DPYD: variants seen among roughly 807,000 people sequenced by gnomAD.
DPYD encodes the protein dihydropyrimidine dehydrogenase [NADP(+)].
A neutral mutation model predicts 116.2 loss-of-function variants in DPYD; 109 were observed. The ratio of observed to expected loss-of-function variants is 0.94; its 90% CI spans 0.80 to 1.10. The LOEUF (loss-of-function observed/expected upper bound fraction) is 1.10. DPYD is among the 50% of genes least tolerant of loss of function. DPYD has a pLI of 0.00. For missense variants in DPYD, 1,302 were observed against 1,254.5 expected, an observed-to-expected ratio of 1.04 and a Z score of -0.57; for synonymous variants, 440 against 432.0, an observed-to-expected ratio of 1.02 and a Z score of -0.23.
chr1:97,364,287 C>A (rs1222867102), intron 16 of DPYD, among the ~76,000 whole-genome samples: 2 of 152,114 alleles, frequency 1.3e-5, no homozygotes, highest in Non-Finnish European at 2.9e-5. Context: ...GAGAAGAAAG[C>A]TGCATGTTCT....
chr1:97,710,049 T>A (rs1400190769), intron 5 of DPYD, among the ~76,000 whole-genome samples: 5 of 151,868 alleles, frequency 3.3e-5, no homozygotes, highest in African/African-American at 1.2e-4. Context: ...TTGCAAGTGT[T>A]TACCTTGATT....
chr1:97,841,722 G>C (rs1053525033), intron 2 of DPYD, among the ~76,000 whole-genome samples: 3 of 152,022 alleles, frequency 2.0e-5, no homozygotes, highest in Non-Finnish European at 2.9e-5. Context: ...AAAAAAAAAT[G>C]TTTGTTCCCA....
At chr1:97,655,538 T>C (rs772203649) in intron 8 of DPYD, among the ~76,000 whole-genome samples, 1 of 152,196 alleles carries the variant, frequency 6.6e-6, no homozygotes, top group Non-Finnish European at 1.5e-5. Context: ...GTTAAATTTG[T>C]TTTGTTTTGC....
At position 97,392,859 on chromosome 1, in the gene DPYD, C is replaced by T. The variant is rs77708193; in HGVS notation, c.1906-10398G>A. 5.8e-3 allele frequency among the ~76,000 whole-genome samples: 882 copies of T among 152,144 alleles called. 8 individuals are homozygous for T. The highest frequency in any genetic ancestry group is 0.02 in the African/African-American group (847 of 41,536). ...CTGTAGTGACTTCCTCCACTGAAGTCTTGAATCCCTCACAAGGCTTGCAAT... is the reference window on the plus strand; with the variant it reads ...CTGTAGTGACTTCCTCCACTGAAGTTTTGAATCCCTCACAAGGCTTGCAAT... On this transcript the variant is annotated intron_variant, in intron 14 of 22. Transcript: ENST00000370192.
At chr1:97,122,816 T>C (rs772277049) in intron 20 of DPYD, among the ~76,000 whole-genome samples, 18 of 152,160 alleles carry the variant, frequency 1.2e-4, no homozygotes, top group Non-Finnish European at 1.3e-4. Flanking sequence ...TATCTTTATT[T>C]TTTTTTCCTG....
chr1:97,797,375 CT>C (rs1481498153), intron 3 of DPYD: 2 of 152,130 alleles, frequency 1.3e-5, no homozygotes, highest in African/African-American at 4.8e-5. Flanking sequence ...ATCAGTTACT[CT>C]GCTGTCTCCT....
At chr1:97,569,727 C>T (rs551938526) in intron 11 of DPYD, among the ~76,000 whole-genome samples, 10 of 151,960 alleles carry the variant, frequency 6.6e-5, no homozygotes, top group African/African-American at 2.4e-4. Context: ...GACGTTATAT[C>T]AATTGAGTCA....
chr1:97,294,436 CCTT>C (rs758083365), intron 18 of DPYD, among the ~76,000 whole-genome samples: 2 of 152,250 alleles, frequency 1.3e-5, no homozygotes, highest in East Asian at 3.9e-4. Context: ...TTCAAAATGT[CCTT>C]CTCTTTTTCC....
At chr1:97,137,160 CT>C (rs1450008010) in intron 20 of DPYD, among the ~76,000 whole-genome samples, 2 of 152,196 alleles carry the variant, frequency 1.3e-5, no homozygotes, top group African/African-American at 4.8e-5. Flanking sequence ...AACAGCAGGC[CT>C]TCCGGGAATG....
intron 7 of DPYD, among the ~76,000 whole-genome samples, chr1:97,688,176 G>T (rs1660833759): frequency 6.6e-6 from 1 of 152,030 alleles, no homozygotes; most frequent in African/African-American, 2.4e-5. Flanking sequence ...TAACAAATAA[G>T]AATAGCAGGG....
intron 14 of DPYD, among the ~76,000 whole-genome samples, chr1:97,418,306 A>T (rs1024546541): frequency 6.2e-5 from 9 of 144,056 alleles, no homozygotes; most frequent in South Asian, 4.4e-4. Flanking sequence ...ATATAAGATG[A>T]TTTTTTTTTT....
In DPYD at chr1:97,664,571, G is replaced by A. The variant is rs565637459; in HGVS notation, c.850+14524C>T. Among the ~76,000 whole-genome samples, 7 of 151,696 alleles carry A rather than the reference G, an allele frequency of 4.6e-5. No individual in the cohort carries two copies. The South Asian group carries it at 1.5e-3, about 32-fold the overall frequency. ...ACTATACATTAGTTTTATACCTTGG[G>A]TATAAAAACTATAAGTCAAAAGTTT... is the stretch of plus-strand genomic sequence containing the variant. On this transcript the variant is annotated intron_variant, in intron 8 of 22. Transcript: ENST00000370192.
intron 2 of DPYD, among the ~76,000 whole-genome samples, chr1:97,841,857 A>C (rs1670054265): frequency 6.6e-6 from 1 of 151,976 alleles, no homozygotes; most frequent in Non-Finnish European, 1.5e-5. Context: ...ATAGAATGCA[A>C]TCTCTAGGAG....
chr1:97,555,538 T>C (rs1296022325), intron 11 of DPYD, among the ~76,000 whole-genome samples: 4 of 152,098 alleles, frequency 2.6e-5, no homozygotes, highest in Non-Finnish European at 4.4e-5. Flanking sequence ...CCTCCACTCA[T>C]TGTGAACACG....
At chr1:97,342,069 T>C (rs1669613079) in intron 16 of DPYD, among the ~76,000 whole-genome samples, 1 of 152,218 alleles carries the variant, frequency 6.6e-6, no homozygotes, top group Admixed American at 6.5e-5. Flanking sequence ...AAATTGATTA[T>C]GTTCTTCTTG....
chr1:97,586,517 T>TAC, intron 10 of DPYD, among the ~76,000 whole-genome samples: 2 of 73,462 alleles, frequency 2.7e-5, no homozygotes, highest in South Asian at 8.9e-4. Context: ...TATATATATA[T>TAC]ATGCTGTGAA....
intron 13 of DPYD, among the ~76,000 whole-genome samples, chr1:97,499,531 A>G (rs1423098970): frequency 2.6e-5 from 4 of 151,828 alleles, no homozygotes; most frequent in Admixed American, 6.6e-5. Context: ...AAAAACATAT[A>G]TAGTATATAT....
intron 20 of DPYD, among the ~76,000 whole-genome samples, chr1:97,170,996 T>C (rs1429088446): frequency 2.0e-5 from 3 of 152,086 alleles, no homozygotes; most frequent in Non-Finnish European, 4.4e-5. Flanking sequence ...TTCAAAGACA[T>C]AATCAACAGA....
chr1:97,175,552 C>T (rs1181989366), intron 20 of DPYD, among the ~76,000 whole-genome samples: 3 of 152,318 alleles, frequency 2.0e-5, no homozygotes, highest in Admixed American at 6.5e-5. Context: ...ATAGACTTAT[C>T]AGAATCTTGG....
Sources: gnomAD v4.1 joint callset for allele counts (sites outside exome capture counted in the v4.1 genomes callset) on GRCh38, gnomAD v4.1.1 for gene constraint, MANE v1.5 for transcripts, NCBI Gene and HGNC (gene_info 2026-07-23, HGNC 2026-07-21) for gene names.